Variants in RERE observed in about 807,000 individuals in gnomAD.
RERE encodes arginine-glutamic acid dipeptide repeats, also known as arginine-glutamic acid dipeptide repeats protein.
A neutral mutation model predicts 146.1 loss-of-function variants in RERE; 40 were observed. The ratio of observed to expected loss-of-function variants is 0.27; its 90% CI spans 0.21 to 0.36. RERE has a LOEUF of 0.36. Ranked by LOEUF, RERE falls within the 10% of genes least tolerant of loss-of-function variation. The pLI is 1.00. For missense variants in RERE, 1,933 were observed against 2,138.7 expected, an observed-to-expected ratio of 0.90 and a Z score of 1.90; for synonymous variants, 1,003 against 866.0, an observed-to-expected ratio of 1.16 and a Z score of -2.78.
chr1:8,768,896 G>A (rs890789206), intron 1 of RERE, among the ~76,000 whole-genome samples: 10 of 152,194 alleles, frequency 6.6e-5, no homozygotes. Context: ...TAGAGAAGGA[G>A]TTCATCATCC....
intron 12 of RERE, among the ~76,000 whole-genome samples, chr1:8,407,152 C>T (rs1207842309): frequency 6.6e-6 from 1 of 152,220 alleles, no homozygotes; most frequent in Non-Finnish European, 1.5e-5. Context: ...ATTTGGTGAT[C>T]TGCACATTTT....
chr1:8,712,801 T>TA lies in RERE; in HGVS notation c.-144-56361dup, dbSNP rs1052127157. On this transcript the variant is annotated intron_variant, in intron 1 of 22. Coordinates refer to ENST00000400908, the MANE Select transcript of RERE (RefSeq NM_001042681.2). ...TTTTTTTTTTTAATGAAAAACAAAA[T>TA]AAAAAAAAAACACAGGATGTAACCA... is the stretch of plus-strand genomic sequence containing the variant. Among the ~76,000 whole-genome samples the TA allele has an allele frequency of 2.4e-3, 345 of 146,356 alleles. 2 individuals are homozygous for TA. Among genetic ancestry groups the TA allele is most frequent in the African/African-American group, 7.1e-3 (284 of 39,832 alleles).
intron 4 of RERE, among the ~76,000 whole-genome samples, chr1:8,568,976 T>G (rs907715564): frequency 1.3e-5 from 2 of 152,186 alleles, no homozygotes; most frequent in Non-Finnish European, 2.9e-5. Context: ...AGGGTCAATT[T>G]GGCAAGACGA....
intron 4 of RERE, among the ~76,000 whole-genome samples, chr1:8,598,649 C>T (rs1384764571): frequency 5.9e-5 from 9 of 152,188 alleles, no homozygotes; most frequent in Admixed American, 4.6e-4. Context: ...AGACCTCTGT[C>T]TCTTTCTGTC....
chr1:8,446,723 G>A (rs901678532), intron 11 of RERE, among the ~76,000 whole-genome samples: 2 of 152,062 alleles, frequency 1.3e-5, no homozygotes, highest in Non-Finnish European at 2.9e-5. Context: ...CACCCAGGCT[G>A]GAGTGCTGTG....
chr1:8,672,719 C>G (rs1270248654), intron 1 of RERE, among the ~76,000 whole-genome samples: 1 of 152,206 alleles, frequency 6.6e-6, no homozygotes, highest in Non-Finnish European at 1.5e-5. Flanking sequence ...TATTCAGCCT[C>G]AGATATACTT....
chr1:8,514,264 T>A (rs1196814456), intron 7 of RERE, among the ~76,000 whole-genome samples: 3 of 152,218 alleles, frequency 2.0e-5, no homozygotes, highest in Non-Finnish European at 4.4e-5. Flanking sequence ...ATGACCACAG[T>A]TTGTCTGTCA....
At chr1:8,549,351 C>T (rs540143384) in intron 6 of RERE, among the ~76,000 whole-genome samples, 145 of 152,252 alleles carry the variant, frequency 9.5e-4, no homozygotes, top group African/African-American at 3.3e-3. Context: ...TCTGAAGTAG[C>T]TCCTAATGGC....
intron 1 of RERE, among the ~76,000 whole-genome samples, chr1:8,682,646 A>G (rs1638997289): frequency 6.6e-6 from 1 of 152,220 alleles, no homozygotes; most frequent in African/African-American, 2.4e-5. Flanking sequence ...TGTTACCTAC[A>G]CAATAAAAAT....
chr1:8,616,747 T>C (rs1646856560), intron 3 of RERE, among the ~76,000 whole-genome samples: 1 of 152,210 alleles, frequency 6.6e-6, no homozygotes, highest in Non-Finnish European at 1.5e-5. Context: ...CTCACAGTAG[T>C]AGTTAAACAC....
intron 4 of RERE, among the ~76,000 whole-genome samples, chr1:8,583,716 A>C (rs541465880): frequency 6.6e-6 from 1 of 152,102 alleles, no homozygotes; most frequent in South Asian, 2.1e-4. Context: ...AAATAAATTA[A>C]AGAAAAAAGA....
At chr1:8,736,763 G>A (rs1442368743) in intron 1 of RERE, among the ~76,000 whole-genome samples, 2 of 149,770 alleles carry the variant, frequency 1.3e-5, no homozygotes, top group Admixed American at 6.7e-5. Context: ...ATTTTCTTGG[G>A]TCTCTCAACA....
intron 12 of RERE, among the ~76,000 whole-genome samples, chr1:8,417,955 A>T (rs1398997024): frequency 2.0e-5 from 3 of 152,240 alleles, no homozygotes; most frequent in African/African-American, 7.2e-5. Flanking sequence ...TCAAAAATGA[A>T]TCCTTCCTTC....
intron 4 of RERE, among the ~76,000 whole-genome samples, chr1:8,567,191 T>A (rs1323530323): frequency 6.6e-6 from 1 of 152,138 alleles, no homozygotes; most frequent in East Asian, 1.9e-4. Flanking sequence ...TTGTAGGCAC[T>A]AGGATCAAGG....
chr1:8,469,854 C>G (rs1644656727), intron 10 of RERE, among the ~76,000 whole-genome samples: 1 of 152,188 alleles, frequency 6.6e-6, no homozygotes, highest in East Asian at 1.9e-4. Context: ...TGTGGTTGTT[C>G]CGTTTGTTAG....
intron 1 of RERE, among the ~76,000 whole-genome samples, chr1:8,715,051 T>C (rs1317357893): frequency 1.3e-5 from 2 of 151,790 alleles, no homozygotes; most frequent in Admixed American, 6.6e-5. Flanking sequence ...TTTTTGTATT[T>C]TTAGTAGGGA....
intron 11 of RERE, among the ~76,000 whole-genome samples, chr1:8,439,493 A>G (rs1299180182): frequency 8.5e-5 from 13 of 152,252 alleles, no homozygotes; most frequent in Admixed American, 8.5e-4. Flanking sequence ...GATGTTAAAG[A>G]AACAAACCAA....
chr1:8,520,882 A>C (rs916109375), intron 7 of RERE, among the ~76,000 whole-genome samples: 51 of 152,042 alleles, frequency 3.4e-4, no homozygotes, highest in African/African-American at 1.2e-3. Context: ...CAAACTGTAT[A>C]ACAAAGCTGA....
intron 3 of RERE, among the ~76,000 whole-genome samples, chr1:8,618,613 A>G (rs1646883335): frequency 6.6e-6 from 1 of 152,310 alleles, no homozygotes; most frequent in South Asian, 2.1e-4. Flanking sequence ...CTAAGTGGTA[A>G]CAGCCAAGCT....
Sources: allele counts gnomAD v4.1 joint callset (sites outside exome capture counted in the v4.1 genomes callset), GRCh38; gene constraint gnomAD v4.1.1; transcripts MANE v1.5; gene names NCBI Gene and HGNC (gene_info 2026-07-23, HGNC 2026-07-21).